The following CCNY variants were observed in gnomAD, a reference collection of about 807,000 sequenced individuals.
The protein encoded by CCNY is cyclin-Y.
In CCNY, 19 loss-of-function variants were observed where a neutral mutation model predicts 42.8. The observed-to-expected ratio is 0.44, with a 90% CI of 0.31 to 0.65. The LOEUF is 0.65. Ranked by LOEUF, CCNY falls within the 30% of genes least tolerant of loss-of-function variation. CCNY has a pLI of 0.07. For synonymous variants in CCNY, 165 were observed against 162.7 expected, an observed-to-expected ratio of 1.01 and a Z score of -0.11; for missense variants, 370 against 437.3, an observed-to-expected ratio of 0.85 and a Z score of 1.37.
intron 3 of CCNY, among the ~76,000 whole-genome samples, chr10:35,268,547 A>ATTGGG (rs2095727965): frequency 6.6e-6 from 1 of 152,032 alleles, no homozygotes; most frequent in East Asian, 1.9e-4. Context: ...TGGCCCCACA[A>ATTGGG]GTCTAGGGTC....
At chr10:35,313,184 G>A (rs1835710263) in intron 3 of CCNY, among the ~76,000 whole-genome samples, 1 of 152,074 alleles carries the variant, frequency 6.6e-6, no homozygotes. Flanking sequence ...GTTTGAAAGT[G>A]TGGAAAAACT....
At chr10:35,508,404 G>C (rs1436225755) in intron 3 of CCNY, among the ~76,000 whole-genome samples, 1 of 152,154 alleles carries the variant, frequency 6.6e-6, no homozygotes, top group African/African-American at 2.4e-5. Flanking sequence ...CCATCCTTTC[G>C]TTTTGTTTTG....
chr10:35,529,954 C>T lies in CCNY; in HGVS notation c.402-19C>T. On this transcript the variant is annotated intron_variant, in intron 5 of 9. Transcript: ENST00000374704. The stretch of plus-strand genomic sequence containing the variant: ...TCTTGCAGAAAGTAAGTTTCATTTT[C>T]TATTATTTTCCCTACCAGGGACCCA... 1 of 1,598,268 alleles carries T rather than the reference C, an allele frequency of 6.3e-7. No homozygotes were observed. Among genetic ancestry groups the T allele is most frequent in the South Asian group, 1.1e-5 (1 of 90,418 alleles).
intron 1 of CCNY, among the ~76,000 whole-genome samples, chr10:35,391,381 TAGGTC>T (rs1184532033): frequency 6.6e-6 from 1 of 152,094 alleles, no homozygotes; most frequent in Non-Finnish European, 1.5e-5. Context: ...AAAGGTGACT[TAGGTC>T]AGAGCAAGTG....
intron 2 of CCNY, among the ~76,000 whole-genome samples, chr10:35,488,758 T>C (rs1464904801): frequency 6.6e-6 from 1 of 152,222 alleles, no homozygotes; most frequent in Admixed American, 6.5e-5. Flanking sequence ...AAACTGGCCT[T>C]CTTTAACAAA....
At position 35,551,530 on chromosome 10, in the gene CCNY, G is replaced by GT. The variant is rs539186016; in HGVS notation, c.580-1480dup. Among the ~76,000 whole-genome samples, 1,071 of 149,424 alleles carry GT rather than the reference G, an allele frequency of 7.2e-3. 4 individuals carry two copies. The highest frequency in any genetic ancestry group is 9.9e-3 in the Non-Finnish European group (663 of 67,170). On this transcript the variant is annotated intron_variant, in intron 7 of 9. Coordinates refer to ENST00000374704, the MANE Select transcript of CCNY (RefSeq NM_145012.6). ...GCATGGATGGTGTCTGTTTAATTTT[G>GT]TTTTTTTTTCTGTTACATTTTCACT...
At chr10:35,394,819 AC>A in intron 1 of CCNY, 2 of 984,576 alleles carry the variant, frequency 2.0e-6, no homozygotes, top group Non-Finnish European at 2.4e-6. Context: ...TGTTTAGGTG[AC>A]CCCAGTGGCT....
chr10:35,550,246 G>A lies in CCNY; in HGVS notation c.580-2773G>A, dbSNP rs1841223896. ...TGCTCATGGCCCATGACCCTACACT[G>A]TTCATGACCCTGTGCTGCTCATAGT... On this transcript the variant is annotated intron_variant, in intron 7 of 9. Coordinates refer to ENST00000374704, the MANE Select transcript of CCNY (RefSeq NM_145012.6). Among the ~76,000 whole-genome samples the A allele has an allele frequency of 2.0e-5, 3 of 150,576 alleles. No homozygotes were observed. In the South Asian group the frequency reaches 6.3e-4, roughly 32 times the overall value.
At chr10:35,539,180 G>A (rs529787608) in intron 7 of CCNY, among the ~76,000 whole-genome samples, 1 of 152,242 alleles carries the variant, frequency 6.6e-6, no homozygotes, top group East Asian at 1.9e-4. Flanking sequence ...GTTGAAATTG[G>A]AAAGTATGAG....
chr10:35,526,583 AT>A (rs1419558153), intron 5 of CCNY, among the ~76,000 whole-genome samples: 1 of 152,046 alleles, frequency 6.6e-6, no homozygotes, highest in African/African-American at 2.4e-5. Context: ...ACTTCAAGAC[AT>A]TTGCTTCAAG....
chr10:35,320,837 A>G (rs1053930483), intron 3 of CCNY: 1 of 152,184 alleles, frequency 6.6e-6, no homozygotes, highest in African/African-American at 2.4e-5. Flanking sequence ...AATATTTACT[A>G]TAGTATCAAA....
chr10:35,525,931 T>C, intron 4 of CCNY, 33 bp from the exon 5 acceptor site: 1 of 1,603,188 alleles, frequency 6.2e-7, no homozygotes, highest in Non-Finnish European at 8.5e-7. Flanking sequence ...AATATGCTCA[T>C]GGACACTGAA....
At chr10:35,428,954 A>G (rs991129038) in intron 1 of CCNY, among the ~76,000 whole-genome samples, 2 of 152,158 alleles carry the variant, frequency 1.3e-5, no homozygotes, top group Non-Finnish European at 2.9e-5. Flanking sequence ...TTCTTTTTTA[A>G]CCTAAACAAT....
intron 3 of CCNY, among the ~76,000 whole-genome samples, chr10:35,305,273 C>G (rs1227302736): frequency 1.3e-5 from 2 of 152,152 alleles, no homozygotes; most frequent in African/African-American, 4.8e-5. Context: ...AAATTTCCTA[C>G]AGTTAATGCT....
chr10:35,496,707 G>C (rs767018256), intron 2 of CCNY, among the ~76,000 whole-genome samples: 3 of 152,106 alleles, frequency 2.0e-5, no homozygotes, highest in Non-Finnish European at 4.4e-5. Context: ...GAGAAACCAA[G>C]GTAATCTTTT....
intron 1 of CCNY, among the ~76,000 whole-genome samples, chr10:35,476,818 A>G (rs925363461): frequency 4.6e-5 from 7 of 152,158 alleles, no homozygotes; most frequent in African/African-American, 1.7e-4. Flanking sequence ...AGACACAAAA[A>G]ACCCTTCAAA....
intron 1 of CCNY, among the ~76,000 whole-genome samples, chr10:35,424,835 G>A (rs554813635): frequency 3.0e-4 from 46 of 152,318 alleles, no homozygotes; most frequent in African/African-American, 1.0e-3. Flanking sequence ...CCCTGACGCT[G>A]TTGCCAAGAA....
intron 1 of CCNY, chr10:35,449,886 C>T (rs1209276670): frequency 7.7e-6 from 6 of 782,672 alleles, no homozygotes; most frequent in Non-Finnish European, 9.3e-6. Context: ...TGCTATCTCG[C>T]ACCACTCAGG....
intron 2 of CCNY, among the ~76,000 whole-genome samples, chr10:35,491,969 C>G (rs1456081944): frequency 4.6e-5 from 7 of 152,116 alleles, no homozygotes; most frequent in Admixed American, 2.6e-4. Flanking sequence ...TAATGGGCAC[C>G]CCCAGAGTCC....
Sources: allele counts gnomAD v4.1 joint callset (sites outside exome capture counted in the v4.1 genomes callset), GRCh38; gene constraint gnomAD v4.1.1; transcripts MANE v1.5; gene names NCBI Gene and HGNC (gene_info 2026-07-23, HGNC 2026-07-21).